The following DLGAP4 variants were observed in gnomAD, a reference collection of about 807,000 sequenced individuals.
DLGAP4 encodes the protein disks large-associated protein 4.
In DLGAP4, 18 loss-of-function variants were observed where a neutral mutation model predicts 86.9. That is an observed-to-expected ratio of 0.21 (90% CI 0.14 to 0.31). The LOEUF (loss-of-function observed/expected upper bound fraction) is 0.31, where lower values mean the gene tolerates loss of function less well. Among genes scored for constraint, DLGAP4 ranks in the 10% least tolerant of loss-of-function variants. DLGAP4 has a pLI of 1.00. For missense variants in DLGAP4, 1,085 were observed against 1,362.6 expected (o/e 0.80, Z 3.21); for synonymous variants, 548 against 574.3 (o/e 0.95, Z 0.65).
intron 7 of DLGAP4, among the ~76,000 whole-genome samples, chr20:36,462,965 G>A (rs2147623932): frequency 6.6e-6 from 1 of 151,276 alleles, no homozygotes; most frequent in African/African-American, 2.4e-5. Flanking sequence ...CTGGGTGTGG[G>A]GGCTGCGTTC....
chr20:36,412,119 A>T (rs1372045400), intron 2 of DLGAP4, among the ~76,000 whole-genome samples: 1 of 152,238 alleles, frequency 6.6e-6, no homozygotes, highest in Non-Finnish European at 1.5e-5. Flanking sequence ...CAGGCTCCAT[A>T]AATGTTGGAA....
intron 2 of DLGAP4, among the ~76,000 whole-genome samples, chr20:36,414,529 G>A (rs1340093568): frequency 2.0e-5 from 3 of 152,260 alleles, no homozygotes; most frequent in African/African-American, 4.8e-5. Context: ...TCCAGCCTGA[G>A]TGTGCAGAAA....
chr20:36,350,088 C>T lies in DLGAP4; in HGVS notation c.-303-16957C>T, dbSNP rs770802445. Among the ~76,000 whole-genome samples the T allele has an allele frequency of 2.1e-4, 32 of 152,194 alleles. No individual in the cohort carries two copies. Among genetic ancestry groups the T allele is most frequent in the Non-Finnish European group, 3.8e-4 (26 of 68,032 alleles). Reference sequence around the variant, plus strand: ...ACATTTTTAGCCTGTGGGTCTCAAGCGGCTTCTGGTGTCCCTCAGACATGT... The same window carrying T: ...ACATTTTTAGCCTGTGGGTCTCAAGTGGCTTCTGGTGTCCCTCAGACATGT... On this transcript the variant is annotated intron_variant, in intron 1 of 12. Transcript: ENST00000339266. The surrounding 1 kb of genome is among the most constrained non-coding windows in gnomAD (Gnocchi z 4.4).
chr20:36,341,636 A>G (rs186251273), intron 1 of DLGAP4, among the ~76,000 whole-genome samples: 41 of 152,222 alleles, frequency 2.7e-4, no homozygotes, highest in African/African-American at 9.9e-4. Flanking sequence ...CGCGGGGAGG[A>G]GTTGGTGTCT....
intron 2 of DLGAP4, among the ~76,000 whole-genome samples, chr20:36,394,125 C>A (rs1191825095): frequency 2.6e-5 from 4 of 152,194 alleles, no homozygotes; most frequent in Admixed American, 6.5e-5. Context: ...CACATATCAT[C>A]CTGTCAATTC....
chr20:36,461,910 C>T, intron 7 of DLGAP4: 1 of 985,050 alleles, frequency 1.0e-6, no homozygotes, highest in Non-Finnish European at 1.2e-6. Context: ...TCTCGGGTCC[C>T]CTTCTCAGAG....
In DLGAP4 at chr20:36,393,812, G is replaced by C. The variant is rs142492053; in HGVS notation, c.-73+26537G>C. ...GGAACTGAGGCTCAGAGAGGGAGGT[G>C]ACCTGCCCAAAGTCACACAGGGAGT... On this transcript the variant is annotated intron_variant, in intron 2 of 12. Transcript: ENST00000339266. This position sits in a 1 kb window ranked among gnomAD's most constrained non-coding sequence, Gnocchi z 4.4. Among the ~76,000 whole-genome samples the C allele has an allele frequency of 3.0e-4, 45 of 152,276 alleles. No homozygotes were observed. Among genetic ancestry groups the C allele is most frequent in the Non-Finnish European group, 5.6e-4 (38 of 68,004 alleles).
chr20:36,467,767 G>A (rs1455600200), intron 7 of DLGAP4, among the ~76,000 whole-genome samples: 1 of 152,204 alleles, frequency 6.6e-6, no homozygotes. Context: ...CTGGTTTGGG[G>A]CAGGAAGTAG....
chr20:36,523,598 A>C (rs2037514665), intron 10 of DLGAP4, among the ~76,000 whole-genome samples: 1 of 152,234 alleles, frequency 6.6e-6, no homozygotes, highest in African/African-American at 2.4e-5. Context: ...CTGTAAAACT[A>C]CTTACACCTA....
intron 2 of DLGAP4, among the ~76,000 whole-genome samples, chr20:36,395,210 A>G (rs2425247): frequency 0.72 from 109,318 of 152,090 alleles, 39,925 homozygotes; most frequent in African/African-American, 0.85. Context: ...TGACCCTATC[A>G]CACTGCATTC....
At chr20:36,382,496 CTCTTTCTTT>C (rs1372007729) in intron 2 of DLGAP4, among the ~76,000 whole-genome samples, 15 of 147,114 alleles carry the variant, frequency 1.0e-4, no homozygotes, top group African/African-American at 3.5e-4. Context: ...TTTTCTTTTT[CTCTTTCTTT>C]TCTTTCTTTC....
rs970664088 is a variant in DLGAP4 at position 36,524,794 on chromosome 20, C to G, written c.2604+453C>G. Reference sequence around the variant, plus strand: ...GTGCACACCTGTAATCCCAGCTACTCGGGAGGCTGAGGCAGGAGAATCGCC... The same window carrying G: ...GTGCACACCTGTAATCCCAGCTACTGGGGAGGCTGAGGCAGGAGAATCGCC... On this transcript the variant is annotated intron_variant, in intron 11 of 12. Coordinates refer to ENST00000339266, the MANE Select transcript of DLGAP4 (RefSeq NM_001365621.2). 3.3e-5 allele frequency among the ~76,000 whole-genome samples: 5 copies of G among 152,024 alleles called. No homozygotes were observed. The South Asian group carries it at 1.0e-3, about 32-fold the overall frequency.
chr20:36,488,098 G>T (rs1408590908), intron 7 of DLGAP4, among the ~76,000 whole-genome samples: 3 of 151,832 alleles, frequency 2.0e-5, no homozygotes, highest in African/African-American at 7.3e-5. Context: ...TACTCAGGAG[G>T]CTGAGGCAGG....
chr20:36,521,265 G>C (rs551123950), intron 10 of DLGAP4, among the ~76,000 whole-genome samples: 1 of 152,264 alleles, frequency 6.6e-6, no homozygotes, highest in East Asian at 1.9e-4. Context: ...TCATAACCAT[G>C]ATCCCTCTGA....
intron 3 of DLGAP4, among the ~76,000 whole-genome samples, chr20:36,434,623 C>T (rs1474820850): frequency 6.6e-6 from 1 of 152,132 alleles, no homozygotes; most frequent in African/African-American, 2.4e-5. Flanking sequence ...GGCCATGTTC[C>T]CAAGGGACAG....
At chr20:36,454,555 C>G (rs2033830603) in intron 7 of DLGAP4, among the ~76,000 whole-genome samples, 1 of 152,172 alleles carries the variant, frequency 6.6e-6, no homozygotes, top group African/African-American at 2.4e-5. Flanking sequence ...CACTGTACAT[C>G]CAGCCACTGT....
In DLGAP4 at chr20:36,374,945, T is replaced by C. The variant is rs538166541; in HGVS notation, c.-73+7670T>C. 9.1e-4 allele frequency among the ~76,000 whole-genome samples: 139 copies of C among 152,398 alleles called. 1 individual carries two copies. Among genetic ancestry groups the C allele is most frequent in the Non-Finnish European group, 7.3e-4 (50 of 68,044 alleles). On this transcript the variant is annotated intron_variant, in intron 2 of 12. Transcript: ENST00000339266. ...GGAAGCCCTGGATGTCTGCAAACCC[T>C]GCTGGGAGTTTGAATGGAGGGCAGA...
intron 8 of DLGAP4, chr20:36,498,241 C>G (rs528042719): frequency 2.6e-5 from 4 of 152,290 alleles, no homozygotes; most frequent in Non-Finnish European, 5.9e-5. Context: ...TCCACTTCCC[C>G]ATGTATAAAC....
intron 7 of DLGAP4, among the ~76,000 whole-genome samples, chr20:36,474,086 C>T (rs887035481): frequency 3.9e-5 from 6 of 152,242 alleles, no homozygotes; most frequent in African/African-American, 1.4e-4. Flanking sequence ...AAGCACTAAG[C>T]ACAGTGCCTG....
Sources: gnomAD v4.1 joint callset for allele counts (sites outside exome capture counted in the v4.1 genomes callset) on GRCh38, gnomAD v4.1.1 for gene constraint, Gnocchi (gnomAD v3.1) non-coding constraint, MANE v1.5 for transcripts, NCBI Gene and HGNC (gene_info 2026-07-23, HGNC 2026-07-21) for gene names.